Variants in HHIP observed in about 807,000 individuals in gnomAD.
HHIP encodes the protein hedgehog-interacting protein.
A neutral mutation model predicts 74.0 loss-of-function variants in HHIP; 12 were observed. That is an observed-to-expected ratio of 0.16 (90% CI 0.10 to 0.26). HHIP has a LOEUF of 0.26. Ranked by LOEUF, HHIP falls within the 10% of genes least tolerant of loss-of-function variation. HHIP has a pLI of 1.00. For synonymous variants in HHIP, 309 were observed against 311.6 expected (o/e 0.99, Z 0.09); for missense variants, 788 against 845.0 (o/e 0.93, Z 0.84).
In HHIP at chr4:144,738,268, T is replaced by C. The variant is rs113315431; in HGVS notation, c.*311T>C. 1,951 of 989,702 alleles carry C rather than the reference T, an allele frequency of 2.0e-3. 34 individuals are homozygous for C. In the African/African-American group the frequency reaches 0.028, roughly 14 times the overall value. The allele number at this position is 989,702 out of a possible 1,614,324, so 61.3% of individuals were successfully genotyped here. A position where few individuals can be genotyped will look rare whatever the true frequency, so the allele number is the denominator to read the frequency against. ...TAAATTGATAATGGATTTTTTATGT[T>C]ACTAGAAGAGATTATTTGACTTCCC... On this transcript the variant is annotated 3_prime_UTR_variant, in exon 13 of 13. Transcript: ENST00000296575.
intron 4 of HHIP, among the ~76,000 whole-genome samples, chr4:144,670,331 C>T (rs553662588): frequency 4.3e-4 from 63 of 146,904 alleles, no homozygotes; most frequent in African/African-American, 1.4e-3. Context: ...CATGGTGGTG[C>T]GTGCCTGCAA....
chr4:144,690,384 TGGAAAGTACTA>T (rs1428505509), intron 4 of HHIP, among the ~76,000 whole-genome samples: 1 of 152,186 alleles, frequency 6.6e-6, no homozygotes, highest in African/African-American at 2.4e-5. Context: ...TAGCAATACC[TGGAAAGTACTA>T]GGATGAAAAG....
chr4:144,672,197 A>C (rs1293215789), intron 4 of HHIP, among the ~76,000 whole-genome samples: 1 of 152,100 alleles, frequency 6.6e-6, no homozygotes, highest in African/African-American at 2.4e-5. Context: ...CCTTTGTAAT[A>C]ATACAGAAAC....
At chr4:144,677,880 T>A (rs1249609785) in intron 4 of HHIP, among the ~76,000 whole-genome samples, 1 of 152,192 alleles carries the variant, frequency 6.6e-6, no homozygotes, top group Non-Finnish European at 1.5e-5. Context: ...TCTTGCTCAC[T>A]TATATCTACT....
intron 4 of HHIP, among the ~76,000 whole-genome samples, chr4:144,666,283 G>A (rs1728860983): frequency 6.7e-6 from 1 of 150,220 alleles, no homozygotes; most frequent in African/African-American, 2.5e-5. Context: ...GTGTGTGTGT[G>A]TGTGTGTGTG....
At chr4:144,696,947 T>C (rs904889564) in intron 4 of HHIP, among the ~76,000 whole-genome samples, 1 of 152,006 alleles carries the variant, frequency 6.6e-6, no homozygotes, top group African/African-American at 2.4e-5. Context: ...TTACAGTCTA[T>C]TGGAGACTTG....
chr4:144,658,730 A>G, intron 2 of HHIP, 60 bp from the exon 3 acceptor site: 1 of 1,378,208 alleles, frequency 7.3e-7, no homozygotes, highest in Non-Finnish European at 1.0e-6. Flanking sequence ...TATCTTTCAA[A>G]TAAGGTGGTT....
At chr4:144,684,589 C>T (rs1332871773) in intron 4 of HHIP, among the ~76,000 whole-genome samples, 1 of 151,888 alleles carries the variant, frequency 6.6e-6, no homozygotes, top group South Asian at 2.1e-4. Context: ...AAAAGAAAAT[C>T]TTTGAAGACA....
At chr4:144,709,134 T>C (rs1250295147) in intron 7 of HHIP, among the ~76,000 whole-genome samples, 2 of 152,232 alleles carry the variant, frequency 1.3e-5, no homozygotes, top group Non-Finnish European at 2.9e-5. Context: ...CCATTTAATG[T>C]TTATTGAGTG....
chr4:144,723,733 G>A (rs1204857070), intron 11 of HHIP, among the ~76,000 whole-genome samples: 1 of 152,130 alleles, frequency 6.6e-6, no homozygotes, highest in African/African-American at 2.4e-5. Context: ...TGACCTTTCA[G>A]CTATTAACAG....
chr4:144,703,701 C>T (rs1730052391), intron 4 of HHIP, among the ~76,000 whole-genome samples: 1 of 152,168 alleles, frequency 6.6e-6, no homozygotes, highest in Non-Finnish European at 1.5e-5. Context: ...GTACAGGAGG[C>T]TGGGAGGTCT....
intron 4 of HHIP, among the ~76,000 whole-genome samples, chr4:144,673,243 G>C (rs1339674850): frequency 6.6e-6 from 1 of 152,196 alleles, no homozygotes; most frequent in Non-Finnish European, 1.5e-5. Flanking sequence ...ATACTTGAAA[G>C]AATATTGCAA....
At chr4:144,732,394 T>C (rs1730985589) in intron 11 of HHIP, among the ~76,000 whole-genome samples, 1 of 152,226 alleles carries the variant, frequency 6.6e-6, no homozygotes, top group South Asian at 2.1e-4. Flanking sequence ...CATCCGTGGG[T>C]AAACAAGCAT....
chr4:144,732,007 G>C (rs1676891927), intron 11 of HHIP, among the ~76,000 whole-genome samples: 1 of 152,104 alleles, frequency 6.6e-6, no homozygotes, highest in African/African-American at 2.4e-5. Context: ...TCTCCCTGAA[G>C]AGCGCAGTAC....
chr4:144,717,420 C>G (rs1480340675), intron 10 of HHIP, among the ~76,000 whole-genome samples: 1 of 152,056 alleles, frequency 6.6e-6, no homozygotes, highest in Non-Finnish European at 1.5e-5. Context: ...TTAGTACAAA[C>G]TGTGTAAATC....
At chr4:144,729,005 C>A (rs1197119076) in intron 11 of HHIP, among the ~76,000 whole-genome samples, 2 of 152,010 alleles carry the variant, frequency 1.3e-5, no homozygotes, top group East Asian at 3.9e-4. Context: ...ACCGATATGA[C>A]CAGGAAAAAT....
At chr4:144,661,094 A>C (rs1280504600) in intron 4 of HHIP, among the ~76,000 whole-genome samples, 1 of 152,214 alleles carries the variant, frequency 6.6e-6, no homozygotes, top group Non-Finnish European at 1.5e-5. Context: ...TTTTTATAAC[A>C]AGAACTGATG....
Position 144,743,638 on chromosome 4 carries a change from A to C in HHIP, c.*5681A>C, listed in dbSNP as rs917316259. 1 of 152,076 alleles carries C rather than the reference A, an allele frequency of 6.6e-6. No homozygotes were observed. Among genetic ancestry groups the C allele is most frequent in the Non-Finnish European group, 1.5e-5 (1 of 67,954 alleles). The allele number at this position is 152,076 out of a possible 1,614,324, so 9.4% of individuals were successfully genotyped here. A position where few individuals can be genotyped will look rare whatever the true frequency, so the allele number is the denominator to read the frequency against. On this transcript the variant is annotated 3_prime_UTR_variant, in exon 13 of 13. Transcript: ENST00000296575. Reference sequence around the variant, plus strand: ...CCAAAATACATGTGTGTATATATATACATATATATGTAACTTAATATAAAT... The same window carrying C: ...CCAAAATACATGTGTGTATATATATCCATATATATGTAACTTAATATAAAT...
At chr4:144,735,023 T>C (rs760440243) in intron 12 of HHIP, 134 bp downstream of exon 12, 5 of 722,166 alleles carry the variant, frequency 6.9e-6, no homozygotes, top group African/African-American at 1.8e-5. Flanking sequence ...ATACTATTAA[T>C]GCTCATCTGT....
Sources: gnomAD v4.1 joint callset for allele counts (sites outside exome capture counted in the v4.1 genomes callset) on GRCh38, gnomAD v4.1.1 for gene constraint, MANE v1.5 for transcripts, NCBI Gene and HGNC (gene_info 2026-07-23, HGNC 2026-07-21) for gene names.